NTNG1: variants seen among roughly 807,000 people sequenced by gnomAD.
NTNG1 encodes netrin G1.
A neutral mutation model predicts 54.0 loss-of-function variants in NTNG1; 16 were observed. The ratio of observed to expected loss-of-function variants is 0.30; its 90% CI spans 0.20 to 0.45. The LOEUF is 0.45. Ranked by LOEUF, NTNG1 falls within the 20% of genes least tolerant of loss-of-function variation. NTNG1 has a pLI of 1.00. For synonymous variants in NTNG1, 255 were observed against 263.1 expected (o/e 0.97, Z 0.30); for missense variants, 530 against 678.7 (o/e 0.78, Z 2.43).
intron 3 of NTNG1, among the ~76,000 whole-genome samples, chr1:107,359,944 C>T (rs1015442138): frequency 6.6e-6 from 1 of 152,154 alleles, no homozygotes; most frequent in African/African-American, 2.4e-5. Context: ...CAGTTGGGCC[C>T]AATCTGGTCC....
chr1:107,245,051 C>T (rs1662100179), intron 2 of NTNG1, among the ~76,000 whole-genome samples: 1 of 152,054 alleles, frequency 6.6e-6, no homozygotes, highest in African/African-American at 2.4e-5. Flanking sequence ...AGAACTTTCT[C>T]GGAACTGTAT....
At chr1:107,216,696 T>G (rs1659983789) in intron 2 of NTNG1, among the ~76,000 whole-genome samples, 2 of 152,018 alleles carry the variant, frequency 1.3e-5, no homozygotes. Context: ...CTTTTTTTTT[T>G]TTTTGGGAGT....
At chr1:107,457,775 T>A (rs1571003453) in intron 7 of NTNG1, among the ~76,000 whole-genome samples, 2 of 152,296 alleles carry the variant, frequency 1.3e-5, no homozygotes, top group Admixed American at 1.3e-4. Flanking sequence ...GGGGATGTGT[T>A]TGCCTCCTAA....
At chr1:107,427,317 G>GGT (rs2101296349) in intron 5 of NTNG1, among the ~76,000 whole-genome samples, 1 of 152,084 alleles carries the variant, frequency 6.6e-6, no homozygotes, top group South Asian at 2.1e-4. Context: ...TATAAGGATT[G>GGT]GACTATGGAT....
intron 2 of NTNG1, among the ~76,000 whole-genome samples, chr1:107,243,032 A>G (rs981513264): frequency 1.3e-5 from 2 of 152,214 alleles, no homozygotes; most frequent in African/African-American, 4.8e-5. Context: ...TTAAATTTCT[A>G]AGGCTTGATC....
chr1:107,480,582 C>CCCCCCCCCCCCAA, intron 7 of NTNG1, 29 bp from the exon 8 acceptor site: 1 of 707,698 alleles, frequency 1.4e-6, no homozygotes, highest in Non-Finnish European at 2.4e-6. Flanking sequence ...CCGCGCCCAC[C>CCCCCCCCCCCCAA]CACCCCTACC....
chr1:107,251,240 A>C (rs1373214555), intron 2 of NTNG1, among the ~76,000 whole-genome samples: 1 of 152,210 alleles, frequency 6.6e-6, no homozygotes, highest in Non-Finnish European at 1.5e-5. Flanking sequence ...ATCTTAATGA[A>C]AAGGCTGAAA....
chr1:107,336,674 A>G (rs979344110), intron 3 of NTNG1, among the ~76,000 whole-genome samples: 2 of 152,024 alleles, frequency 1.3e-5, no homozygotes, highest in Non-Finnish European at 2.9e-5. Context: ...CACTGTCAAC[A>G]AAGTGAAAAA....
intron 4 of NTNG1, among the ~76,000 whole-genome samples, chr1:107,404,845 T>A (rs1367720032): frequency 6.6e-6 from 1 of 152,118 alleles, no homozygotes; most frequent in African/African-American, 2.4e-5. Flanking sequence ...TCAAAGGTAA[T>A]AATATTCTTT....
At chr1:107,441,793 G>A (rs1024357190) in intron 7 of NTNG1, among the ~76,000 whole-genome samples, 11 of 152,032 alleles carry the variant, frequency 7.2e-5, no homozygotes, top group African/African-American at 2.7e-4. Flanking sequence ...AAATATGCAG[G>A]TGTTATGAAG....
At chr1:107,219,047 A>G (rs571257546) in intron 2 of NTNG1, among the ~76,000 whole-genome samples, 48 of 152,148 alleles carry the variant, frequency 3.2e-4, no homozygotes, top group African/African-American at 8.2e-4. Context: ...AGGAACACCA[A>G]TTATTCCTAG....
chr1:107,319,764 C>A (rs1264843206), intron 2 of NTNG1, among the ~76,000 whole-genome samples: 1 of 151,932 alleles, frequency 6.6e-6, no homozygotes, highest in Non-Finnish European at 1.5e-5. Flanking sequence ...TCTTCATTTT[C>A]AACTGTTGTT....
chr1:107,318,383 G>A (rs1227057785), intron 2 of NTNG1, among the ~76,000 whole-genome samples: 1 of 152,048 alleles, frequency 6.6e-6, no homozygotes, highest in Non-Finnish European at 1.5e-5. Context: ...CTAAAGCACA[G>A]AGGTAGTGTT....
At chr1:107,437,516 G>T (rs589364) in intron 7 of NTNG1, among the ~76,000 whole-genome samples, 71,977 of 151,930 alleles carry the variant, frequency 0.47, 17,579 homozygotes, top group Non-Finnish European at 0.53. Context: ...TTCTGCTTTT[G>T]AATTCCGAAC....
chr1:107,466,994 C>T (rs1340187817), intron 7 of NTNG1, among the ~76,000 whole-genome samples: 1 of 152,180 alleles, frequency 6.6e-6, no homozygotes, highest in Admixed American at 6.5e-5. Flanking sequence ...AAGGATTCCT[C>T]TGGATATTAG....
intron 2 of NTNG1, chr1:107,260,719 A>G (rs1663257984): frequency 6.6e-6 from 1 of 152,132 alleles, no homozygotes; most frequent in South Asian, 2.1e-4. Flanking sequence ...CATCCCCACC[A>G]TTATTACCAA....
At chr1:107,263,340 T>C (rs959791372) in intron 2 of NTNG1, among the ~76,000 whole-genome samples, 38 of 150,370 alleles carry the variant, frequency 2.5e-4, no homozygotes, top group African/African-American at 9.5e-4. Flanking sequence ...TTCCTTCCTT[T>C]TTTTCTTTTT....
At chr1:107,437,773 G>C (rs563552863) in intron 7 of NTNG1, among the ~76,000 whole-genome samples, 1 of 151,992 alleles carries the variant, frequency 6.6e-6, no homozygotes, top group East Asian at 1.9e-4. Context: ...AATTATTAAG[G>C]CTATATTTTT....
intron 7 of NTNG1, among the ~76,000 whole-genome samples, chr1:107,458,180 A>T (rs977090776): frequency 2.0e-5 from 3 of 152,184 alleles, no homozygotes; most frequent in Non-Finnish European, 4.4e-5. Context: ...TCTATTAGTC[A>T]GATTAATGGG....
Sources: allele counts gnomAD v4.1 joint callset (sites outside exome capture counted in the v4.1 genomes callset), GRCh38; gene constraint gnomAD v4.1.1; transcripts MANE v1.5; gene names NCBI Gene and HGNC (gene_info 2026-07-23, HGNC 2026-07-21).